SCARB2: variants seen among roughly 807,000 people sequenced by gnomAD.
SCARB2 encodes scavenger receptor class B member 2, also known as lysosome membrane protein 2.
A neutral mutation model predicts 58.6 loss-of-function variants in SCARB2; 29 were observed. That is an observed-to-expected ratio of 0.49 (90% CI 0.37 to 0.67). The LOEUF (loss-of-function observed/expected upper bound fraction) is 0.67. SCARB2 is among the 30% of genes least tolerant of loss of function. The probability of loss-of-function intolerance (pLI) is 0.00; values close to 1 mark genes in which losing one functional copy is unlikely to be tolerated. For synonymous variants in SCARB2, 195 were observed against 210.1 expected, an observed-to-expected ratio of 0.93 and a Z score of 0.62; for missense variants, 488 against 578.5, an observed-to-expected ratio of 0.84 and a Z score of 1.60.
chr4:76,219,653 C>T lies in SCARB2; in HGVS notation c.-358+14650G>A, dbSNP rs994206977. Reference sequence around the variant, plus strand: ...GGATGGAGAGTGAAGAGGGGACTGTCTGAGGGTAGAGGCAGACTTTGTCAG... The same window carrying T: ...GGATGGAGAGTGAAGAGGGGACTGTTTGAGGGTAGAGGCAGACTTTGTCAG... On this transcript the variant is annotated intron_variant, in intron 1 of 11. Coordinates refer to the SCARB2 transcript ENST00000638295. Among the ~76,000 whole-genome samples the T allele has an allele frequency of 2.6e-5, 4 of 151,956 alleles. No homozygotes were observed. The South Asian group carries it at 8.3e-4, about 32-fold the overall frequency.
chr4:76,211,398 T>C (rs56289378), intron 1 of SCARB2, among the ~76,000 whole-genome samples: 4 of 152,228 alleles, frequency 2.6e-5, no homozygotes, highest in African/African-American at 9.7e-5. Context: ...CTGGCAAGGA[T>C]AGGATTTGAA....
intron 1 of SCARB2, among the ~76,000 whole-genome samples, chr4:76,230,706 G>A (rs1733477491): frequency 1.3e-5 from 2 of 152,084 alleles, no homozygotes; most frequent in African/African-American, 2.4e-5. Context: ...GAGTCCAGGC[G>A]ACCTTGGCAG....
At chr4:76,184,903 C>G (rs1732456340) in intron 2 of SCARB2, 1 of 184,560 alleles carries the variant, frequency 5.4e-6, no homozygotes, top group Non-Finnish European at 1.1e-5. Context: ...ATCTTTAAAG[C>G]TGCCCTGCAT....
chr4:76,167,684 C>CCCCTT (rs1560705166), intron 9 of SCARB2, among the ~76,000 whole-genome samples: 2 of 91,322 alleles, frequency 2.2e-5, no homozygotes, highest in Admixed American at 1.1e-4. Flanking sequence ...CCCCCCCCCG[C>CCCCTT]TTTTTTTTTT....
At chr4:76,190,015 T>C (rs1484738325) in intron 2 of SCARB2, among the ~76,000 whole-genome samples, 2 of 151,802 alleles carry the variant, frequency 1.3e-5, no homozygotes, top group Non-Finnish European at 2.9e-5. Flanking sequence ...GACACTTTTT[T>C]TTTTTTTTTT....
intron 11 of SCARB2, chr4:76,163,022 C>A: frequency 1.6e-6 from 1 of 643,752 alleles, no homozygotes; most frequent in Non-Finnish European, 2.7e-6. Flanking sequence ...TTAGATGGTA[C>A]CTTCTAACCC....
At chr4:76,174,113 C>T in intron 7 of SCARB2, 31 bp downstream of exon 7, 4 of 1,612,296 alleles carry the variant, frequency 2.5e-6, no homozygotes, top group East Asian at 2.2e-5. Flanking sequence ...ATTCTTGACA[C>T]CCCTATCATG....
intron 1 of SCARB2, among the ~76,000 whole-genome samples, chr4:76,222,134 A>G (rs996883988): frequency 7.2e-5 from 11 of 152,204 alleles, no homozygotes; most frequent in African/African-American, 1.2e-4. Flanking sequence ...AAAAATCTCA[A>G]TATTCAGTGG....
chr4:76,176,170 C>A (rs982139083), intron 5 of SCARB2: 127 of 603,380 alleles, frequency 2.1e-4, no homozygotes, highest in Non-Finnish European at 5.2e-5. Flanking sequence ...TACTACACAT[C>A]ACTCAATGAC....
At chr4:76,207,588 G>A (rs534874238) in intron 1 of SCARB2, among the ~76,000 whole-genome samples, 1 of 152,290 alleles carries the variant, frequency 6.6e-6, no homozygotes, top group East Asian at 1.9e-4. Flanking sequence ...TTTTTCCTTG[G>A]TTGTTTTTTC....
chr4:76,193,574 G>C (rs970260850), intron 2 of SCARB2: 8 of 152,256 alleles, frequency 5.3e-5, no homozygotes, highest in Non-Finnish European at 1.0e-4. Flanking sequence ...CGGAGTCAAA[G>C]AAGATGATTT....
At chr4:76,228,140 C>T (rs1911738) in intron 1 of SCARB2, among the ~76,000 whole-genome samples, 86,632 of 150,934 alleles carry the variant, frequency 0.57, 25,612 homozygotes, top group East Asian at 0.99. Flanking sequence ...GATTTATGCT[C>T]TAAGGAGGTT....
chr4:76,181,826 A>C (rs1395966993), intron 2 of SCARB2, among the ~76,000 whole-genome samples: 1 of 152,134 alleles, frequency 6.6e-6, no homozygotes, highest in Non-Finnish European at 1.5e-5. Flanking sequence ...TCGACCTTCC[A>C]AAATGCTGGC....
intron 3 of SCARB2, chr4:76,180,062 G>A (rs1078350): frequency 0.18 from 63,994 of 347,298 alleles, 7,017 homozygotes; most frequent in East Asian, 0.36. Flanking sequence ...TTATAAACCC[G>A]ACCTACACCC....
At chr4:76,191,763 T>C (rs1297667818) in intron 2 of SCARB2, 1 of 132,874 alleles carries the variant, frequency 7.5e-6, no homozygotes, top group African/African-American at 2.8e-5. Flanking sequence ...TCCCTCCCTG[T>C]CTTTCTTTCT....
chr4:76,190,357 G>A (rs1732578760), intron 2 of SCARB2, among the ~76,000 whole-genome samples: 1 of 152,132 alleles, frequency 6.6e-6, no homozygotes, highest in Non-Finnish European at 1.5e-5. Flanking sequence ...TCCGAAGTCA[G>A]GCAAGTCTCA....
chr4:76,199,314 T>TAC (rs975618588), intron 1 of SCARB2, among the ~76,000 whole-genome samples: 1 of 152,258 alleles, frequency 6.6e-6, no homozygotes, highest in African/African-American at 2.4e-5. Flanking sequence ...AAACCTGGGA[T>TAC]ACCCAGTTAA....
intron 1 of SCARB2, among the ~76,000 whole-genome samples, chr4:76,210,181 C>T (rs893132735): frequency 1.3e-5 from 2 of 152,132 alleles, no homozygotes; most frequent in African/African-American, 4.8e-5. Context: ...CATATTATTT[C>T]ATTCTTGTGA....
At chr4:76,220,811 C>T (rs2109979525) in intron 1 of SCARB2, among the ~76,000 whole-genome samples, 1 of 152,248 alleles carries the variant, frequency 6.6e-6, no homozygotes, top group East Asian at 1.9e-4. Context: ...AAAGGGATAA[C>T]CAGTCATAGG....
Sources: allele counts gnomAD v4.1 joint callset (sites outside exome capture counted in the v4.1 genomes callset), GRCh38; gene constraint gnomAD v4.1.1; transcripts MANE v1.5; gene names NCBI Gene and HGNC (gene_info 2026-07-23, HGNC 2026-07-21).